The following SPNS3 variants were observed in gnomAD, a reference collection of about 807,000 sequenced individuals.
The protein encoded by SPNS3 is SPNS lysolipid transporter 3, sphingosine-1-phosphate (putative).
A neutral mutation model predicts 54.4 loss-of-function variants in SPNS3; 51 were observed. That is an observed-to-expected ratio of 0.94 (90% CI 0.75 to 1.18). The LOEUF (loss-of-function observed/expected upper bound fraction) is 1.18, where lower values mean the gene tolerates loss of function less well. Among genes scored for constraint, SPNS3 ranks in the 50% most tolerant of loss-of-function variants. SPNS3 has a pLI of 0.00. For synonymous variants in SPNS3, 309 were observed against 294.7 expected (o/e 1.05, Z -0.50); for missense variants, 669 against 677.4 (o/e 0.99, Z 0.14).
chr17:4,455,844 G>A (rs1399011893), intron 8 of SPNS3, among the ~76,000 whole-genome samples: 1 of 152,156 alleles, frequency 6.6e-6, no homozygotes, highest in Non-Finnish European at 1.5e-5. Context: ...CCTGGTATAG[G>A]AGGCTCAGCA....
intron 8 of SPNS3, among the ~76,000 whole-genome samples, chr17:4,467,206 T>C (rs900813080): frequency 2.6e-5 from 4 of 151,892 alleles, no homozygotes; most frequent in African/African-American, 9.7e-5. Flanking sequence ...TGTACATAGA[T>C]TCACTCTGGC....
intron 7 of SPNS3, among the ~76,000 whole-genome samples, chr17:4,450,078 G>A (rs1971116928): frequency 1.3e-5 from 2 of 150,304 alleles, no homozygotes; most frequent in South Asian, 4.2e-4. Flanking sequence ...TGCCTCCAGG[G>A]GCTGCTCTCC....
In SPNS3 at chr17:4,453,222, A is replaced by C. The variant is rs564833007; in HGVS notation, c.1113+17A>C. The C allele has an allele frequency of 6.2e-7, 1 of 1,605,160 alleles. No homozygotes were observed. Among genetic ancestry groups the C allele is most frequent in the Non-Finnish European group, 8.5e-7 (1 of 1,175,488 alleles). On this transcript the variant is annotated intron_variant, in intron 8 of 11. Transcript: ENST00000355530. ...GCCTCCTATGTAAGTGAGAGCCTCT[A>C]TGGAGGTGGGGACAGGGTTGGGGGG...
At chr17:4,443,095 G>T (rs1472713082) in intron 2 of SPNS3, among the ~76,000 whole-genome samples, 3 of 151,436 alleles carry the variant, frequency 2.0e-5, no homozygotes, top group African/African-American at 7.3e-5. Context: ...TTTTGAGAGA[G>T]ACTCTCGCTC....
chr17:4,454,349 C>T (rs61346485), intron 8 of SPNS3, among the ~76,000 whole-genome samples: 1,596 of 152,380 alleles, frequency 0.01, 29 homozygotes, highest in African/African-American at 0.036. Context: ...AGCAGAGGGG[C>T]TAGACCTCTC....
In SPNS3 at chr17:4,446,039, C is replaced by G. The variant is rs978575080; in HGVS notation, c.403-9C>G. On this transcript the variant is annotated splice_polypyrimidine_tract_variant and intron_variant, in intron 3 of 11. Coordinates refer to ENST00000355530, the MANE Select transcript of SPNS3 (RefSeq NM_182538.5). ...GGAACTCACCGTGGTCTTGTGCCTG[C>G]TCGCCCAGTATTCTTGGCTCTTCTT... The G allele has an allele frequency of 1.3e-6, 2 of 1,598,152 alleles. No individual in the cohort carries two copies. Among genetic ancestry groups the G allele is most frequent in the Non-Finnish European group, 1.7e-6 (2 of 1,169,324 alleles).
chr17:4,465,423 G>A (rs1049352247), intron 8 of SPNS3, among the ~76,000 whole-genome samples: 4 of 151,906 alleles, frequency 2.6e-5, no homozygotes, highest in African/African-American at 7.3e-5. Flanking sequence ...GCTCATATTA[G>A]TGGGGCAAAG....
chr17:4,442,853 C>T (rs1041736499), intron 2 of SPNS3, among the ~76,000 whole-genome samples: 2 of 152,092 alleles, frequency 1.3e-5, no homozygotes, highest in Non-Finnish European at 2.9e-5. Flanking sequence ...CCTCCAGAGT[C>T]TGTCTTTTAA....
At chr17:4,453,230 G>A in intron 8 of SPNS3, 25 bp downstream of exon 8, 1 of 1,600,958 alleles carries the variant, frequency 6.2e-7, no homozygotes, top group Non-Finnish European at 8.5e-7. Context: ...CTATGGAGGT[G>A]GGGACAGGGT....
At chr17:4,465,292 T>G (rs1327841544) in intron 8 of SPNS3, among the ~76,000 whole-genome samples, 1 of 152,214 alleles carries the variant, frequency 6.6e-6, no homozygotes, top group Non-Finnish European at 1.5e-5. Context: ...AGGACTAATG[T>G]TCTGAGATAG....
Position 4,486,276 on chromosome 17 carries a change from A to G in SPNS3, c.1228A>G (p.Thr410Ala). The G allele has an allele frequency of 2.5e-6, 4 of 1,587,792 alleles. No homozygotes were observed. The South Asian group carries it at 4.6e-5, about 18-fold the overall frequency. ...GGGGACGGCAGAGGCACTTCAGATC[A>G]CGGTGGGCCACATCCTGGGAGACGC... ...CRGTAEALQI[T>A]VGHILGDAGS... The change falls in exon 10 of 12, where the codon ACG becomes GCG. Residue 410 changes from threonine (T) to alanine (A), a missense_variant. Physicochemically the swap from Thr to Ala is moderately conservative, Grantham distance 58. Coordinates refer to ENST00000355530, the MANE Select transcript of SPNS3 (RefSeq NM_182538.5). This position sits in a 1 kb window ranked among gnomAD's most constrained non-coding sequence, Gnocchi z 5.5.
At chr17:4,460,392 A>G (rs1971463700) in intron 8 of SPNS3, among the ~76,000 whole-genome samples, 1 of 149,860 alleles carries the variant, frequency 6.7e-6, no homozygotes, top group Non-Finnish European at 1.5e-5. Flanking sequence ...TATGTTTGCC[A>G]TGGTCATTGT....
chr17:4,483,957 C>G lies in SPNS3; in HGVS notation c.1180-2271C>G, dbSNP rs191971693. ...GTCCCCTGCCTGGAATGCCTTTCCC[C>G]GTCTCTTTGCCAGTTACTCTGCCAT... On this transcript the variant is annotated intron_variant, in intron 9 of 11. Coordinates refer to ENST00000355530, the MANE Select transcript of SPNS3 (RefSeq NM_182538.5). This position sits in a 1 kb window ranked among gnomAD's most constrained non-coding sequence, Gnocchi z 4.2. Among the ~76,000 whole-genome samples, 3 of 152,226 alleles carry G rather than the reference C, an allele frequency of 2.0e-5. No individual in the cohort carries two copies. Among genetic ancestry groups the G allele is most frequent in the African/African-American group, 7.2e-5 (3 of 41,454 alleles).
In SPNS3 at chr17:4,462,786, C is replaced by CACCAATCT. The variant is rs1467505522; in HGVS notation, c.1113+9582_1113+9583insCCAATCTA. 8.3e-5 allele frequency among the ~76,000 whole-genome samples: 10 copies of CACCAATCT among 121,010 alleles called. 1 individual carries two copies. Among genetic ancestry groups the CACCAATCT allele is most frequent in the African/African-American group, 2.9e-4 (8 of 27,130 alleles). The allele number at this position is 121,010 out of a possible 152,430, so 79.4% of individuals were successfully genotyped here. A position where few individuals can be genotyped will look rare whatever the true frequency, so the allele number is the denominator to read the frequency against. ...CCATCCATCCATCCATCCATCCATC[C>CACCAATCT]ATCCATCCATCCATCCACCAATCTA... On this transcript the variant is annotated intron_variant, in intron 8 of 11. Transcript: ENST00000355530.
chr17:4,468,524 C>T (rs963179472), intron 8 of SPNS3, among the ~76,000 whole-genome samples: 1 of 151,888 alleles, frequency 6.6e-6, no homozygotes, highest in Non-Finnish European at 1.5e-5. Flanking sequence ...AAGGTTTTTG[C>T]CCTGAGCAGC....
intron 8 of SPNS3, among the ~76,000 whole-genome samples, chr17:4,463,333 G>T (rs1971588128): frequency 6.7e-6 from 1 of 150,236 alleles, no homozygotes; most frequent in Non-Finnish European, 1.5e-5. Flanking sequence ...GGAGGTGGAG[G>T]TTGCAGTGAG....
intron 8 of SPNS3, among the ~76,000 whole-genome samples, chr17:4,464,947 CTGGGA>C (rs1971638755): frequency 1.3e-5 from 2 of 152,210 alleles, no homozygotes; most frequent in Admixed American, 6.5e-5. Context: ...TCCCAGAGTG[CTGGGA>C]TTACAGGCAT....
At chr17:4,435,971 C>T (rs2143966000) in intron 1 of SPNS3, among the ~76,000 whole-genome samples, 1 of 152,274 alleles carries the variant, frequency 6.6e-6, no homozygotes, top group East Asian at 1.9e-4. Flanking sequence ...GATTGAGGCT[C>T]CACTTGCTCT....
In SPNS3 at chr17:4,485,889, C is replaced by A. The variant is rs145955794; in HGVS notation, c.1180-339C>A. On this transcript the variant is annotated intron_variant, in intron 9 of 11. Transcript: ENST00000355530. ...CCGCTCTTCGCCCTGCCCGCTTGTG[C>A]TGCTGCATCCTGGGCCCCTGAGCTG... 1.4e-4 allele frequency among the ~76,000 whole-genome samples: 21 copies of A among 152,370 alleles called. No individual in the cohort carries two copies. In the East Asian group the frequency reaches 3.5e-3, roughly 25 times the overall value.
Sources: allele counts gnomAD v4.1 joint callset (sites outside exome capture counted in the v4.1 genomes callset), GRCh38; gene constraint gnomAD v4.1.1; non-coding constraint Gnocchi (gnomAD v3.1); transcripts MANE v1.5; gene names NCBI Gene and HGNC (gene_info 2026-07-23, HGNC 2026-07-21).